Variants in SORCS2 observed in about 807,000 individuals in gnomAD.
SORCS2 encodes sortilin related VPS10 domain containing receptor 2.
Under a neutral mutation model 141.6 loss-of-function variants are expected in SORCS2, and 100 were observed. That is an observed-to-expected ratio of 0.71 (90% CI 0.60 to 0.83). The LOEUF (loss-of-function observed/expected upper bound fraction) is 0.83, where lower values mean the gene tolerates loss of function less well. SORCS2 is among the 40% of genes least tolerant of loss of function. The pLI is 0.00. For synonymous variants in SORCS2, 789 were observed against 676.9 expected (o/e 1.17, Z -2.57); for missense variants, 1,646 against 1,560.2 (o/e 1.05, Z -0.93).
intron 1 of SORCS2, among the ~76,000 whole-genome samples, chr4:7,247,865 C>T (rs1713216287): frequency 1.3e-5 from 2 of 152,212 alleles, no homozygotes; most frequent in Admixed American, 6.5e-5. Flanking sequence ...TGAGCAGAGG[C>T]GGAAGGCCTG....
chr4:7,543,443 TCATCCATCCATC>T (rs561279185), intron 3 of SORCS2, among the ~76,000 whole-genome samples: 8,985 of 78,654 alleles, frequency 0.11, 421 homozygotes, highest in Middle Eastern at 0.21. Context: ...ATCCATCCAC[TCATCCATCCATC>T]CATCCATCCA....
intron 2 of SORCS2, among the ~76,000 whole-genome samples, chr4:7,448,507 TCTCC>T (rs1378128146): frequency 1.4e-4 from 15 of 109,606 alleles, no homozygotes; most frequent in African/African-American, 5.0e-4. Context: ...TTCCTTTCCA[TCTCC>T]CTCCCTCCCT....
chr4:7,505,059 G>A (rs879525452), intron 2 of SORCS2, among the ~76,000 whole-genome samples: 3 of 152,232 alleles, frequency 2.0e-5, no homozygotes, highest in Non-Finnish European at 4.4e-5. Flanking sequence ...CTGGAGCGCC[G>A]GGAGGGATGG....
At position 7,531,607 on chromosome 4, in the gene SORCS2, T is replaced by A; in HGVS notation, c.626T>A (p.Ile209Asn). Residue 209 changes from isoleucine (I) to asparagine (N), a missense_variant, in exon 3 of 27, where the codon ATC becomes AAC. Physicochemically the swap from Ile to Asn is moderately radical, Grantham distance 149. Coordinates refer to ENST00000507866, the MANE Select transcript of SORCS2 (RefSeq NM_020777.3). The part of the protein sequence containing the change: ...GVTTVIDNFY[I>N]CPTNKRKVIL... ...ACCACCGTCATCGACAATTTCTACA[T>A]CTGCCCGACCAACAAGAGGAAGGTA... 6.2e-7 allele frequency: 1 copy of A among 1,613,782 alleles called. No individual in the cohort carries two copies. The highest frequency in any genetic ancestry group is 2.2e-5 in the East Asian group (1 of 44,886).
chr4:7,499,162 A>G (rs62280182), intron 2 of SORCS2, among the ~76,000 whole-genome samples: 26,175 of 145,128 alleles, frequency 0.18, 3,766 homozygotes, highest in African/African-American at 0.41. Context: ...GAGTATGTGC[A>G]TGTGAGTGCA....
rs759881011 is a variant in SORCS2 at position 7,433,805 on chromosome 4, C to T, written c.548+37450C>T. On this transcript the variant is annotated intron_variant, in intron 2 of 26. Transcript: ENST00000507866. ...CCACACAGACGGATGAACTTGCACA[C>T]CTTCTCTGGGGTGATTTTGGCCACA... The T allele has an allele frequency of 8.7e-6, 14 of 1,613,614 alleles. No homozygotes were observed. The South Asian group carries it at 9.9e-5, about 11-fold the overall frequency.
At chr4:7,510,729 C>CTGG (rs1163671439) in intron 2 of SORCS2, among the ~76,000 whole-genome samples, 57 of 152,214 alleles carry the variant, frequency 3.7e-4, no homozygotes, top group African/African-American at 1.3e-3. Flanking sequence ...GACCCCGGGG[C>CTGG]CTGGGCACGT....
At chr4:7,426,525 A>G (rs1263723654) in intron 2 of SORCS2, among the ~76,000 whole-genome samples, 6 of 152,138 alleles carry the variant, frequency 3.9e-5, no homozygotes, top group Admixed American at 3.3e-4. Context: ...GTAACTTGAG[A>G]CCAGCCTGAG....
intron 2 of SORCS2, among the ~76,000 whole-genome samples, chr4:7,399,684 C>T (rs1724448109): frequency 6.6e-6 from 1 of 152,222 alleles, no homozygotes; most frequent in Admixed American, 6.5e-5. Context: ...GGGCGTGCTC[C>T]TCCACGTGGT....
chr4:7,385,150 C>T (rs965628184), intron 1 of SORCS2, among the ~76,000 whole-genome samples: 3 of 152,086 alleles, frequency 2.0e-5, no homozygotes, highest in Non-Finnish European at 2.9e-5. Flanking sequence ...GGGTGGGCAG[C>T]GGCATTGGCA....
chr4:7,454,924 G>GC (rs1728776654), intron 2 of SORCS2, among the ~76,000 whole-genome samples: 1 of 120,288 alleles, frequency 8.3e-6, no homozygotes, highest in African/African-American at 3.2e-5. Context: ...TTGGGGTCAG[G>GC]TGCTGTGTGT....
intron 1 of SORCS2, among the ~76,000 whole-genome samples, chr4:7,305,253 G>T (rs190745089): frequency 5.3e-5 from 8 of 152,146 alleles, no homozygotes; most frequent in East Asian, 1.9e-4. Flanking sequence ...GGATGGTCTC[G>T]ATCTGCTGAC....
intron 1 of SORCS2, among the ~76,000 whole-genome samples, chr4:7,254,506 G>A (rs1328549585): frequency 6.6e-6 from 1 of 152,250 alleles, no homozygotes; most frequent in Admixed American, 6.5e-5. Flanking sequence ...GTGATAGACA[G>A]TGGAGACTCG....
rs1306347420 is a variant in SORCS2 at position 7,478,346 on chromosome 4, G to A, written c.549-53184G>A. On this transcript the variant is annotated intron_variant, in intron 2 of 26. Coordinates refer to ENST00000507866, the MANE Select transcript of SORCS2 (RefSeq NM_020777.3). ...GCGTCACCAGCTCCCCCTCCTCCAG[G>A]GCTTTGTTGAAATGTGCCTTCCAGG... Among the ~76,000 whole-genome samples, 6 of 151,994 alleles carry A rather than the reference G, an allele frequency of 3.9e-5. No individual in the cohort carries two copies. The East Asian group carries it at 1.2e-3, about 29-fold the overall frequency.
chr4:7,321,326 T>C (rs922147074), intron 1 of SORCS2, among the ~76,000 whole-genome samples: 1 of 152,214 alleles, frequency 6.6e-6, no homozygotes, highest in Non-Finnish European at 1.5e-5. Flanking sequence ...TACCATATTT[T>C]CTTTATTCAC....
intron 2 of SORCS2, among the ~76,000 whole-genome samples, chr4:7,485,292 T>G (rs1418915759): frequency 2.6e-5 from 4 of 152,194 alleles, no homozygotes; most frequent in Admixed American, 1.3e-4. Context: ...GACTCCACAT[T>G]ACCAGGAGCA....
chr4:7,294,056 G>A (rs112616411), intron 1 of SORCS2, among the ~76,000 whole-genome samples: 2,420 of 152,172 alleles, frequency 0.016, 30 homozygotes, highest in African/African-American at 0.016. Context: ...CCTACCTTCC[G>A]GAAGGTCAGG....
At chr4:7,632,260 C>CTA (rs35727904) in intron 3 of SORCS2, among the ~76,000 whole-genome samples, 26,786 of 152,126 alleles carry the variant, frequency 0.18, 2,544 homozygotes, top group Non-Finnish European at 0.21. Context: ...TTCTCTTTAC[C>CTA]ATGTTTTAGA....
chr4:7,611,951 G>A (rs955562024), intron 3 of SORCS2, among the ~76,000 whole-genome samples: 2 of 152,262 alleles, frequency 1.3e-5, no homozygotes, highest in African/African-American at 4.8e-5. Flanking sequence ...GTGAGGTGCT[G>A]AGGAAGGATC....
Sources: allele counts gnomAD v4.1 joint callset (sites outside exome capture counted in the v4.1 genomes callset), GRCh38; gene constraint gnomAD v4.1.1; transcripts MANE v1.5; gene names NCBI Gene and HGNC (gene_info 2026-07-23, HGNC 2026-07-21).